The following RTEL1 variants were observed in gnomAD, a reference collection of about 807,000 sequenced individuals.
The protein encoded by RTEL1 is regulator of telomere length.
In RTEL1, 86 loss-of-function variants were observed where a neutral mutation model predicts 162.2. That is an observed-to-expected ratio of 0.53 (90% CI 0.45 to 0.63). The LOEUF (loss-of-function observed/expected upper bound fraction) is 0.63, where lower values mean the gene tolerates loss of function less well. Among genes scored for constraint, RTEL1 ranks in the 30% least tolerant of loss-of-function variants. The pLI is 0.00. For missense variants in RTEL1, 1,941 were observed against 1,750.2 expected, an observed-to-expected ratio of 1.11 and a Z score of -1.95; for synonymous variants, 958 against 717.9, an observed-to-expected ratio of 1.33 and a Z score of -5.35.
At chr20:63,683,622 T>C (rs1199376637) in intron 14 of RTEL1, among the ~76,000 whole-genome samples, 3 of 152,218 alleles carry the variant, frequency 2.0e-5, no homozygotes, top group Non-Finnish European at 2.9e-5. Flanking sequence ...CGCATTTCTG[T>C]GAATGATTCC....
chr20:63,688,095 G>A (rs760178742), intron 18 of RTEL1, 44 bp from the exon 19 acceptor site: 3 of 1,612,108 alleles, frequency 1.9e-6, no homozygotes, highest in South Asian at 2.2e-5. Flanking sequence ...AGGTGGGGGA[G>A]CACTGAGGCC....
Position 63,662,818 on chromosome 20 carries a change from TCCTC to T in RTEL1, c.478-8_478-5del, listed in dbSNP as rs1188670960. The T allele has an allele frequency of 6.2e-7, 1 of 1,613,740 alleles. No homozygotes were observed. Among genetic ancestry groups the T allele is most frequent in the African/African-American group, 1.3e-5 (1 of 75,024 alleles). ...GTGCTTCAGCTGCGCACTCTGCCCTTCCTCCCACAGATCCACTTGTGCCGTAAGA... is the reference window on the plus strand; with the variant it reads ...GTGCTTCAGCTGCGCACTCTGCCCTTCCACAGATCCACTTGTGCCGTAAGA... On this transcript the variant is annotated splice_polypyrimidine_tract_variant and splice_region_variant and intron_variant, in intron 5 of 34. Coordinates refer to ENST00000360203, the MANE Select transcript of RTEL1 (RefSeq NM_001283009.2).
At chr20:63,694,574 G>A in intron 31 of RTEL1, 86 bp downstream of exon 31, 2 of 1,316,314 alleles carry the variant, frequency 1.5e-6, no homozygotes, top group East Asian at 2.3e-5. Context: ...TGTGGCCGGG[G>A]CTGCCCCTGT....
chr20:63,681,147 G>A (rs2090470399), intron 14 of RTEL1: 2 of 985,240 alleles, frequency 2.0e-6, no homozygotes, highest in Non-Finnish European at 2.4e-6. Flanking sequence ...TCCCGGCAGG[G>A]GTGTCCCTGG....
rs2090628282 is a variant in RTEL1, at chr20:63,687,676, A to G, written c.1387A>G (p.Ser463Gly). The change falls in exon 17 of 35, where the codon AGC (serine) becomes GGC (glycine). Residue 463 changes from serine (S) to glycine (G), a missense_variant. Coordinates refer to ENST00000360203, the MANE Select transcript of RTEL1 (RefSeq NM_001283009.2). Reference protein sequence around the residue: ...LSYWCFSPGHSMHELVRQGVR... With the variant: ...LSYWCFSPGHGMHELVRQGVR... Reference sequence around the variant, plus strand: ...CTACTGGTGCTTCAGTCCCGGCCACAGCATGCACGAGCTGGTCCGCCAGGG... The same window carrying G: ...CTACTGGTGCTTCAGTCCCGGCCACGGCATGCACGAGCTGGTCCGCCAGGG... The G allele has an allele frequency of 6.2e-7, 1 of 1,609,348 alleles. No individual in the cohort carries two copies. Among genetic ancestry groups the G allele is most frequent in the Non-Finnish European group, 8.5e-7 (1 of 1,179,432 alleles).
At chr20:63,681,991 C>T in intron 14 of RTEL1, 1 of 985,444 alleles carries the variant, frequency 1.0e-6, no homozygotes, top group Non-Finnish European at 1.2e-6. Context: ...GGACCTGCTT[C>T]CATGTCCCTG....
intron 12 of RTEL1, among the ~76,000 whole-genome samples, chr20:63,678,762 CTCTCCCACGGA>C (rs1314729900): frequency 3.5e-4 from 47 of 133,502 alleles, no homozygotes; most frequent in Non-Finnish European, 5.3e-4. Context: ...GAACGGCACA[CTCTCCCACGGA>C]ACAGCACACT....
chr20:63,681,223 C>T (rs753721457), intron 14 of RTEL1: 11 of 985,448 alleles, frequency 1.1e-5, no homozygotes, highest in East Asian at 1.1e-4. Flanking sequence ...CTGCAATGCC[C>T]GTCCCATGTG....
chr20:63,661,227 G>A lies in RTEL1; in HGVS notation c.103-71G>A. 4 of 1,446,864 alleles carry A rather than the reference G, an allele frequency of 2.8e-6. No homozygotes were observed. The highest frequency in any genetic ancestry group is 3.8e-6 in the Non-Finnish European group (4 of 1,044,884). 89.6% of individuals were successfully genotyped at this position (1,446,864 alleles called of 1,614,324 possible). A position where few individuals can be genotyped will look rare whatever the true frequency, so the allele number is the denominator to read the frequency against. Reference sequence around the variant, plus strand: ...AGCTGCCCGCTGGCTGCCGAAGCTTGTCTCAGGGCAGCTTGTGTGGCCTCG... The same window carrying A: ...AGCTGCCCGCTGGCTGCCGAAGCTTATCTCAGGGCAGCTTGTGTGGCCTCG... On this transcript the variant is annotated intron_variant, in intron 2 of 34. Transcript: ENST00000360203. The surrounding 1 kb of genome is among the most constrained non-coding windows in gnomAD (Gnocchi z 5.1).
Position 63,693,161 on chromosome 20 carries a change from G to C in RTEL1, c.2870G>C (p.Arg957Pro). ...TCTACAGGCTTCTACCAGTTTGTGCGGCCCCACCATAAGCAGCAGTTTGAG... is the reference window on the plus strand; with the variant it reads ...TCTACAGGCTTCTACCAGTTTGTGCCGCCCCACCATAAGCAGCAGTTTGAG... ...NLLQGFYQFV[R>P]PHHKQQFEEV... is the part of the protein sequence containing the mutation. Residue 957 changes from arginine to proline, a missense_variant, in exon 30 of 35, where the codon CGG becomes CCG. By Grantham distance (103) the Arg-to-Pro change is moderately radical. Transcript: ENST00000360203. 2 of 1,612,168 alleles carry C rather than the reference G, an allele frequency of 1.2e-6. No individual in the cohort carries two copies. The highest frequency in any genetic ancestry group is 1.7e-5 in the Admixed American group (1 of 59,974).
At position 63,665,985 on chromosome 20, in the gene RTEL1, C is replaced by T. The variant is rs755690833; in HGVS notation, c.539-19C>T. The T allele has an allele frequency of 6.2e-7, 1 of 1,612,076 alleles. No individual in the cohort carries two copies. Among genetic ancestry groups the T allele is most frequent in the African/African-American group, 1.3e-5 (1 of 74,834 alleles). ...GTGGACCCTGAGGGTGTGTGTTTACCCCTGCCTCACACCTGCAGAAAAAAG... is the reference window on the plus strand; with the variant it reads ...GTGGACCCTGAGGGTGTGTGTTTACTCCTGCCTCACACCTGCAGAAAAAAG... On this transcript the variant is annotated intron_variant, in intron 6 of 34. Coordinates refer to ENST00000360203, the MANE Select transcript of RTEL1 (RefSeq NM_001283009.2).
In RTEL1 at chr20:63,695,103, C is replaced by A. The variant is rs368588082; in HGVS notation, c.3381C>A (p.Arg1127=). The change falls in exon 33 of 35, where the codon CGC becomes CGA. Residue 1127 remains arginine, a synonymous_variant. Coordinates refer to ENST00000360203, the MANE Select transcript of RTEL1 (RefSeq NM_001283009.2). The stretch of plus-strand genomic sequence containing the variant: ...TTGTGCGTCCACACCACAAGCAGCG[C>A]TTCTCACAGACGTGCACAGACCTGA... ...SMFVRPHHKQ[R]FSQTCTDLTG... 1 of 1,612,428 alleles carries A rather than the reference C, an allele frequency of 6.2e-7. No individual in the cohort carries two copies. The highest frequency in any genetic ancestry group is 1.1e-5 in the South Asian group (1 of 91,092).
chr20:63,688,477 G>T (rs1162367122), intron 20 of RTEL1, 51 bp from the exon 21 acceptor site: 1 of 1,606,618 alleles, frequency 6.2e-7, no homozygotes, highest in Non-Finnish European at 8.5e-7. Flanking sequence ...TGCCCTCATC[G>T]GATCGGCGGC....
chr20:63,679,084 C>T (rs559156833), intron 12 of RTEL1, among the ~76,000 whole-genome samples: 12 of 152,284 alleles, frequency 7.9e-5, no homozygotes, highest in South Asian at 4.1e-4. Flanking sequence ...TTTTGGACTC[C>T]GGGAGGCCTG....
Position 63,693,043 on chromosome 20 carries a change from G to T in RTEL1, c.2851+40G>T, listed in dbSNP as rs779025603. Reference sequence around the variant, plus strand: ...AGAGGCCACCCACCCTGAGGGCAGTGCTGCCGCCGCGTGTGGGGTGGGGGC... The same window carrying T: ...AGAGGCCACCCACCCTGAGGGCAGTTCTGCCGCCGCGTGTGGGGTGGGGGC... On this transcript the variant is annotated intron_variant, in intron 29 of 34. Transcript: ENST00000360203. The T allele has an allele frequency of 1.4e-5, 23 of 1,610,252 alleles. No homozygotes were observed. In the South Asian group the frequency reaches 2.5e-4, roughly 18 times the overall value.
Position 63,689,013 on chromosome 20 carries a change from G to T in RTEL1, c.1801-42G>T, listed in dbSNP as rs201190136. 6.1e-5 allele frequency: 85 copies of T among 1,386,036 alleles called. 1 individual carries two copies. The East Asian group carries it at 1.7e-3, about 27-fold the overall frequency. 85.9% of individuals were successfully genotyped at this position (1,386,036 alleles called of 1,614,324 possible). ...CTCCCTCATGGGGGAGGAAGGGGCT[G>T]GGGGGGGGCTCCAGGCTCAGCCTCA... On this transcript the variant is annotated intron_variant, in intron 21 of 34. Coordinates refer to ENST00000360203, the MANE Select transcript of RTEL1 (RefSeq NM_001283009.2).
chr20:63,676,615 C>T (rs930555305), intron 10 of RTEL1, among the ~76,000 whole-genome samples: 43 of 152,108 alleles, frequency 2.8e-4, no homozygotes, highest in East Asian at 1.9e-4. Flanking sequence ...ATGTGGTGAT[C>T]CCATTCACAC....
intron 30 of RTEL1, 73 bp from the exon 31 acceptor site, chr20:63,694,299 G>GGCCCGCCCCCCCCCC: frequency 1.2e-6 from 1 of 841,720 alleles, no homozygotes. Context: ...TCCCTAGCCA[G>GGCCCGCCCCCCCCCC]CCCTGCCCCC....
chr20:63,661,330 T>C lies in RTEL1; in HGVS notation c.135T>C (p.Gly45=). 6.2e-7 allele frequency: 1 copy of C among 1,612,726 alleles called. No individual in the cohort carries two copies. Among genetic ancestry groups the C allele is most frequent in the Non-Finnish European group, 8.5e-7 (1 of 1,180,010 alleles). ...ATGGCATCCTGGAGAGCCCTACGGG[T>C]ACAGGGAAGACGCTGTGCCTGCTGT... The part of the protein sequence containing the change: ...KVNGILESPT[G]TGKTLCLLCT... The change falls in exon 3 of 35, where the codon GGT becomes GGC. Residue 45 remains glycine (G), a synonymous_variant. Coordinates refer to ENST00000360203, the MANE Select transcript of RTEL1 (RefSeq NM_001283009.2). This position sits in a 1 kb window ranked among gnomAD's most constrained non-coding sequence, Gnocchi z 5.1.
Sources: allele counts gnomAD v4.1 joint callset (sites outside exome capture counted in the v4.1 genomes callset), GRCh38; gene constraint gnomAD v4.1.1; non-coding constraint Gnocchi (gnomAD v3.1); transcripts MANE v1.5; gene names NCBI Gene and HGNC (gene_info 2026-07-23, HGNC 2026-07-21).